The following TEDC1 variants were observed in gnomAD, a reference collection of about 807,000 sequenced individuals.
TEDC1 encodes the protein tubulin epsilon and delta complex protein 1.
TEDC1 carries 54 observed loss-of-function variants against 59.9 expected under a neutral mutation model. The observed-to-expected ratio is 0.90, with a 90% CI of 0.72 to 1.13. The LOEUF (loss-of-function observed/expected upper bound fraction) is 1.13, where lower values mean the gene tolerates loss of function less well. TEDC1 is among the 50% of genes most tolerant of loss of function. The pLI is 0.00. For synonymous variants in TEDC1, 353 were observed against 298.1 expected, an observed-to-expected ratio of 1.18 and a Z score of -1.90; for missense variants, 734 against 683.4, an observed-to-expected ratio of 1.07 and a Z score of -0.83.
chr14:105,498,079 C>G (rs373053002), intron 8 of TEDC1, 102 bp downstream of exon 8: 1 of 1,342,836 alleles, frequency 7.4e-7, no homozygotes, highest in South Asian at 1.6e-5. Context: ...TTGCATTTGT[C>G]AAGCATGGCA....
chr14:105,499,063 G>T lies in TEDC1; in HGVS notation c.*117G>T, dbSNP rs1391353000. On this transcript the variant is annotated 3_prime_UTR_variant, in exon 9 of 9. Transcript: ENST00000392523. The stretch of plus-strand genomic sequence containing the variant: ...GGGACGATGCAGATGCAGAGCCCAC[G>T]TCACATGCTCGCTCCAGGGGTGGGG... The T allele has an allele frequency of 1.8e-6, 2 of 1,131,402 alleles. No homozygotes were observed. Among genetic ancestry groups the T allele is most frequent in the Non-Finnish European group, 2.5e-6 (2 of 815,852 alleles). The allele number at this position is 1,131,402 out of a possible 1,614,324, so 70.1% of individuals were successfully genotyped here.
In TEDC1 at chr14:105,498,727, C is replaced by T. The variant is rs587627091; in HGVS notation, c.1269C>T (p.Gly423=). The stretch of plus-strand genomic sequence containing the variant: ...AGCAGTGCTGGGAGCGAGACGGTGG[C>T]CCGGCCCAGCCCCATGGGCCACACC... The part of the protein sequence containing the change: ...ALQQCWERDG[G]PAQPHGPHRL... Residue 423 remains glycine (G), a synonymous_variant, in exon 9 of 9, where the codon GGC becomes GGT. Transcript: ENST00000392523. 2 of 1,555,214 alleles carry T rather than the reference C, an allele frequency of 1.3e-6. No homozygotes were observed. Among genetic ancestry groups the T allele is most frequent in the African/African-American group, 2.7e-5 (2 of 73,558 alleles).
At chr14:105,493,779 C>A in intron 4 of TEDC1, 56 bp from the exon 5 acceptor site, 1 of 1,271,756 alleles carries the variant, frequency 7.9e-7, no homozygotes. Context: ...GGAGACTCAG[C>A]GTTGGGGGAG....
chr14:105,495,311 A>G (rs2084320437), intron 5 of TEDC1: 1 of 155,524 alleles, frequency 6.4e-6, no homozygotes, highest in Non-Finnish European at 1.4e-5. Context: ...TTCCCTCTCC[A>G]ATCCCAGAGA....
rs781896786 is a variant in TEDC1, at chr14:105,497,470, C to T, written c.978+27C>T. The T allele has an allele frequency of 1.7e-4, 266 of 1,538,568 alleles. 2 individuals are homozygous for T. The highest frequency in any genetic ancestry group is 5.0e-4 in the Middle Eastern group (3 of 5,976). ...TGAGGAAGCCCGCGCATCCCTCTCC[C>T]GGCATCCCTTCCCACAGCAGCCCCC... On this transcript the variant is annotated intron_variant, in intron 7 of 8. Coordinates refer to ENST00000392523, the MANE Select transcript of TEDC1 (RefSeq NM_001367178.1).
In TEDC1 at chr14:105,495,966, A is replaced by C; in HGVS notation, c.771A>C (p.Arg257Ser). ...TCTGCACTCCTGGGATGGGTCCCAG[A>C]ACCTTCTGGAATGATCTGTGGCTGG... ...HSFCTPGMGP[R>S]TFWNDLWLVC... The change falls in exon 6 of 9, where the codon AGA (arginine) becomes AGC (serine). Residue 257 changes from arginine (R) to serine (S), a missense_variant. Arg to Ser is a moderately radical substitution (Grantham distance 110, BLOSUM62 -1). Transcript: ENST00000392523. 3 of 1,550,340 alleles carry C rather than the reference A, an allele frequency of 1.9e-6. No individual in the cohort carries two copies. The highest frequency in any genetic ancestry group is 2.6e-6 in the Non-Finnish European group (3 of 1,146,934).
chr14:105,491,277 G>A lies in TEDC1; in HGVS notation c.-99G>A. ...CAGCCGGAGCGGTAACTGGGCGCAG[G>A]TCCCAGCCGCCGCACTAAACCCGGC... is the stretch of plus-strand genomic sequence containing the variant. On this transcript the variant is annotated 5_prime_UTR_variant, in exon 1 of 9. Transcript: ENST00000392523. 1.3e-6 allele frequency: 2 copies of A among 1,520,388 alleles called. No individual in the cohort carries two copies. Among genetic ancestry groups the A allele is most frequent in the Admixed American group, 2.0e-5 (1 of 50,002 alleles). 94.2% of individuals were successfully genotyped at this position (1,520,388 alleles called of 1,614,324 possible).
chr14:105,496,656 G>A (rs1277360412), intron 6 of TEDC1: 2 of 163,292 alleles, frequency 1.2e-5, no homozygotes, highest in African/African-American at 4.8e-5. Context: ...CCGTGTGTGG[G>A]CAGAGCAGCT....
At chr14:105,491,230 T>C, upstream of TEDC1, 1 of 1,540,176 alleles carries the variant, frequency 6.5e-7, no homozygotes, top group Non-Finnish European at 8.7e-7. Context: ...ACCCGGCCCG[T>C]GCCATGATTG....
At chr14:105,490,780 A>G, upstream of TEDC1, 1 of 527,092 alleles carries the variant, frequency 1.9e-6, no homozygotes, top group Non-Finnish European at 3.4e-6. Context: ...AGGCGGCGCG[A>G]TGGGGCGAGG....
Position 105,496,016 on chromosome 14 carries a change from C to T in TEDC1, c.821C>T (p.Pro274Leu), listed in dbSNP as rs374888760. 2.3e-5 allele frequency: 36 copies of T among 1,550,046 alleles called. No homozygotes were observed. Among genetic ancestry groups the T allele is most frequent in the Non-Finnish European group, 2.7e-5 (31 of 1,146,922 alleles). The change falls in exon 6 of 9, where the codon CCG becomes CTG. Residue 274 changes from proline to leucine, a missense_variant. By Grantham distance (98) the Pro-to-Leu change is moderately conservative. Transcript: ENST00000392523. ...GTATGTGAGCAGCCAGGTCTGCTGC[C>T]GGGTGACTGGGCAGCACCCTTGGAT... ...WLVCEQPGLL[P>L]GDWAAPLDPG...
chr14:105,491,246 A>C lies in TEDC1; in HGVS notation c.-130A>C. 1.3e-6 allele frequency: 2 copies of C among 1,536,534 alleles called. No individual in the cohort carries two copies. The highest frequency in any genetic ancestry group is 3.9e-5 in the Admixed American group (2 of 50,866). On this transcript the variant is annotated 5_prime_UTR_variant, in exon 1 of 9. Coordinates refer to ENST00000392523, the MANE Select transcript of TEDC1 (RefSeq NM_001367178.1). ...CCCGGCCCGTGCCATGATTGGGCTC[A>C]GGTTCCAGCCGGAGCGGTAACTGGG...
chr14:105,494,021 C>CGGGGGGGGG lies in TEDC1; in HGVS notation c.684+92_684+93insGGGGGGGGG. On this transcript the variant is annotated intron_variant, in intron 5 of 8. Coordinates refer to ENST00000392523, the MANE Select transcript of TEDC1 (RefSeq NM_001367178.1). ...GCCCAGGGTGGGAGGGGCCTGGGGG[C>CGGGGGGGGG]GGGGCAGCTCTTGGGCCTCCAGCGG... is the stretch of plus-strand genomic sequence containing the variant. The CGGGGGGGGG allele has an allele frequency of 2.1e-5, 6 of 283,012 alleles. No homozygotes were observed. The East Asian group carries it at 2.9e-4, about 14-fold the overall frequency. The allele number at this position is 283,012 out of a possible 1,614,324, so 17.5% of individuals were successfully genotyped here.
intron 8 of TEDC1, 86 bp from the exon 9 acceptor site, chr14:105,498,531 A>C: frequency 7.3e-7 from 1 of 1,377,586 alleles, no homozygotes; most frequent in South Asian, 1.5e-5. Flanking sequence ...CAGCGCCTGC[A>C]CCTGAGTCTG....
intron 5 of TEDC1, 88 bp from the exon 6 acceptor site, chr14:105,495,792 G>T: frequency 9.2e-7 from 1 of 1,092,614 alleles, no homozygotes; most frequent in Non-Finnish European, 1.3e-6. Context: ...TGGGCTGGGG[G>T]GGCCTGGAAG....
Position 105,499,049 on chromosome 14 carries a change from G to C in TEDC1, c.*103G>C. 8.0e-7 allele frequency: 1 copy of C among 1,254,906 alleles called. No homozygotes were observed. Among genetic ancestry groups the C allele is most frequent in the Non-Finnish European group, 1.1e-6 (1 of 923,912 alleles). The allele number at this position is 1,254,906 out of a possible 1,614,324, so 77.7% of individuals were successfully genotyped here. ...GCCAGGTGGCCGCAGGGACGATGCA[G>C]ATGCAGAGCCCACGTCACATGCTCG... On this transcript the variant is annotated 3_prime_UTR_variant, in exon 9 of 9. Coordinates refer to ENST00000392523, the MANE Select transcript of TEDC1 (RefSeq NM_001367178.1).
chr14:105,494,373 G>A (rs2141796649), intron 5 of TEDC1: 1 of 215,488 alleles, frequency 4.6e-6, no homozygotes, highest in African/African-American at 2.3e-5. Context: ...GACTGTGGGA[G>A]GGGACAACTG....
In TEDC1 at chr14:105,497,388, G is replaced by T; in HGVS notation, c.923G>T (p.Arg308Leu). The T allele has an allele frequency of 9.0e-6, 14 of 1,552,896 alleles. No homozygotes were observed. Among genetic ancestry groups the T allele is most frequent in the Non-Finnish European group, 1.0e-5 (12 of 1,148,930 alleles). ...LLRTLERENQ[R>L]LEAVLAWRRS... is the part of the protein sequence containing the mutation. ...CGGACTCTGGAGCGTGAGAACCAGC[G>T]CCTGGAGGCTGTCCTGGCGTGGCGG... The change falls in exon 7 of 9, where the codon CGC (arginine) becomes CTC (leucine). Residue 308 changes from arginine to leucine, a missense_variant. Physicochemically the swap from Arg to Leu is moderately radical, Grantham distance 102 (BLOSUM62 -2). Coordinates refer to ENST00000392523, the MANE Select transcript of TEDC1 (RefSeq NM_001367178.1).
rs1460302014 is a variant in TEDC1, at chr14:105,499,157, TGAG to T, written c.*216_*218del. 8.3e-6 allele frequency: 5 copies of T among 605,652 alleles called. No homozygotes were observed. Among genetic ancestry groups the T allele is most frequent in the Non-Finnish European group, 5.8e-6 (2 of 346,224 alleles). The allele number at this position is 605,652 out of a possible 1,614,324, so 37.5% of individuals were successfully genotyped here. On this transcript the variant is annotated 3_prime_UTR_variant, in exon 9 of 9. Coordinates refer to ENST00000392523, the MANE Select transcript of TEDC1 (RefSeq NM_001367178.1). Reference sequence around the variant, plus strand: ...CTGGGGACAGGAATGGCTGGTCCCTTGAGGAGGTCGTGACAGGCTCAGCCTGGT... The same window carrying T: ...CTGGGGACAGGAATGGCTGGTCCCTTGAGGTCGTGACAGGCTCAGCCTGGT...
Sources: allele counts gnomAD v4.1 joint callset, GRCh38; gene constraint gnomAD v4.1.1; transcripts MANE v1.5; gene names NCBI Gene and HGNC (gene_info 2026-07-23, HGNC 2026-07-21).